The following CCDC88C variants were observed in gnomAD, a reference collection of about 807,000 sequenced individuals.
CCDC88C encodes protein Daple.
Under a neutral mutation model 198.8 loss-of-function variants are expected in CCDC88C, and 131 were observed. The observed-to-expected ratio is 0.66, with a 90% CI of 0.57 to 0.76. The LOEUF (loss-of-function observed/expected upper bound fraction) is 0.76, where lower values mean the gene tolerates loss of function less well. CCDC88C is among the 30% of genes least tolerant of loss of function. The pLI is 0.00. For synonymous variants in CCDC88C, 1,166 were observed against 1,114.7 expected, an observed-to-expected ratio of 1.05 and a Z score of -0.92; for missense variants, 2,553 against 2,631.6, an observed-to-expected ratio of 0.97 and a Z score of 0.65.
rs1243680510 is a variant in CCDC88C, at chr14:91,417,784, G to A, written c.-94C>T. 4 of 871,672 alleles carry A rather than the reference G, an allele frequency of 4.6e-6. No homozygotes were observed. Among genetic ancestry groups the A allele is most frequent in the Admixed American group, 4.8e-5 (1 of 20,772 alleles). The allele number at this position is 871,672 out of a possible 1,614,324, so 54.0% of individuals were successfully genotyped here. A position where few individuals can be genotyped will look rare whatever the true frequency, so the allele number is the denominator to read the frequency against. On this transcript the variant is annotated 5_prime_UTR_variant, in exon 1 of 30. Coordinates refer to ENST00000389857, the MANE Select transcript of CCDC88C (RefSeq NM_001080414.4). The stretch of plus-strand genomic sequence containing the variant: ...AACGGCTCCGCAGCGAGCAGCGGGC[G>A]CGGGGCTGCGGCGGCTCGCGCCCGG...
At chr14:91,310,434 A>G (rs1450636577) in intron 15 of CCDC88C, among the ~76,000 whole-genome samples, 1 of 152,102 alleles carries the variant, frequency 6.6e-6, no homozygotes, top group East Asian at 1.9e-4. Context: ...TTTTTTAGAG[A>G]CAGCGTCTTG....
chr14:91,398,210 A>C (rs1361096456), intron 3 of CCDC88C, among the ~76,000 whole-genome samples: 5 of 152,236 alleles, frequency 3.3e-5, no homozygotes, highest in Admixed American at 2.6e-4. Flanking sequence ...GACAACAAAA[A>C]GGAGAGAAAA....
In CCDC88C at chr14:91,315,821, A is replaced by G. The variant is rs78055736; in HGVS notation, c.1528-34T>C. ...CCAAAAGACCCAGCCCAGTGCAGAC[A>G]TCAGTCCTACGAAGTGAACCATGAT... On this transcript the variant is annotated intron_variant, in intron 13 of 29. Transcript: ENST00000389857. The G allele has an allele frequency of 1.9e-3, 3,005 of 1,602,058 alleles. 73 individuals carry two copies. The East Asian group carries it at 0.046, about 25-fold the overall frequency.
In CCDC88C at chr14:91,331,023, G is replaced by A. The variant is rs548404243; in HGVS notation, c.1051-4967C>T. On this transcript the variant is annotated intron_variant, in intron 10 of 29. Transcript: ENST00000389857. ...TGGAAGCTCAGGGAGGAAGTGGTAGGAGGGGCTGGGGCTGAGGAGTGCTTG... is the reference window on the plus strand; with the variant it reads ...TGGAAGCTCAGGGAGGAAGTGGTAGAAGGGGCTGGGGCTGAGGAGTGCTTG... 6.6e-5 allele frequency among the ~76,000 whole-genome samples: 10 copies of A among 151,838 alleles called. No individual in the cohort carries two copies. In the South Asian group the frequency reaches 2.1e-3, roughly 32 times the overall value.
At chr14:91,408,339 G>A (rs1886616873) in intron 3 of CCDC88C, 1 of 288,694 alleles carries the variant, frequency 3.5e-6, no homozygotes, top group Non-Finnish European at 6.7e-6. Flanking sequence ...TCACCTTCAG[G>A]AAGCCCATTC....
intron 3 of CCDC88C, among the ~76,000 whole-genome samples, chr14:91,403,308 A>G (rs555516799): frequency 2.0e-5 from 3 of 152,336 alleles, no homozygotes; most frequent in South Asian, 2.1e-4. Context: ...ATACGTCTCC[A>G]ACAACACACA....
intron 10 of CCDC88C, among the ~76,000 whole-genome samples, chr14:91,328,536 C>A (rs1334496618): frequency 1.3e-5 from 2 of 152,168 alleles, no homozygotes; most frequent in Non-Finnish European, 1.5e-5. Flanking sequence ...GCTGAGGGGA[C>A]CACACTCATG....
At chr14:91,282,004 T>A (rs568578585) in intron 26 of CCDC88C, among the ~76,000 whole-genome samples, 4 of 152,248 alleles carry the variant, frequency 2.6e-5, no homozygotes, top group African/African-American at 9.6e-5. Flanking sequence ...CACTAACAGC[T>A]CCTGACCAGA....
chr14:91,359,757 A>G, intron 3 of CCDC88C, 46 bp from the exon 4 acceptor site: 5 of 1,522,914 alleles, frequency 3.3e-6, no homozygotes, highest in Non-Finnish European at 4.5e-6. Flanking sequence ...ACCGGAAACA[A>G]AAATAAAGAG....
intron 3 of CCDC88C, among the ~76,000 whole-genome samples, chr14:91,387,345 T>C (rs1596144901): frequency 6.6e-6 from 1 of 152,298 alleles, no homozygotes. Context: ...GTCCGGGCCA[T>C]GGAGGTTTGG....
chr14:91,411,055 A>G (rs1418419553), intron 2 of CCDC88C, among the ~76,000 whole-genome samples: 1 of 152,074 alleles, frequency 6.6e-6, no homozygotes, highest in East Asian at 1.9e-4. Flanking sequence ...ACAACTCTAA[A>G]AGAACCCTGA....
chr14:91,315,568 A>G, intron 14 of CCDC88C, 82 bp downstream of exon 14: 1 of 1,481,046 alleles, frequency 6.8e-7, no homozygotes, highest in Non-Finnish European at 9.3e-7. Flanking sequence ...TCCACAATAC[A>G]GTACCAGGAA....
intron 3 of CCDC88C, among the ~76,000 whole-genome samples, chr14:91,376,509 T>C (rs1802738555): frequency 6.6e-6 from 1 of 152,164 alleles, no homozygotes; most frequent in African/African-American, 2.4e-5. Flanking sequence ...CACCGCCGTC[T>C]CTGGAGAGCC....
intron 3 of CCDC88C, among the ~76,000 whole-genome samples, chr14:91,383,500 G>A (rs958692659): frequency 1.3e-5 from 2 of 152,124 alleles, no homozygotes; most frequent in African/African-American, 4.8e-5. Flanking sequence ...GAAGGGGGTG[G>A]AGAAAGTGGG....
At chr14:91,319,357 T>G (rs1449098447) in intron 13 of CCDC88C, among the ~76,000 whole-genome samples, 5 of 152,232 alleles carry the variant, frequency 3.3e-5, no homozygotes, top group Admixed American at 6.5e-5. Context: ...GGTGTCTGGC[T>G]TCTACTCTGC....
intron 3 of CCDC88C, chr14:91,384,433 C>A: frequency 1.9e-6 from 1 of 522,028 alleles, no homozygotes; most frequent in Non-Finnish European, 3.9e-6. Context: ...CTGCTGCTTG[C>A]ACTCTGTTGG....
At chr14:91,318,513 C>T (rs1302115680) in intron 13 of CCDC88C, among the ~76,000 whole-genome samples, 1 of 152,192 alleles carries the variant, frequency 6.6e-6, no homozygotes, top group African/African-American at 2.4e-5. Context: ...GAAAAACCAC[C>T]TGGCAGCTCA....
rs747236360 is a variant in CCDC88C, at chr14:91,338,148, C to A, written c.907G>T (p.Ala303Ser). ...KVKQENIQLA[A>S]DARSARAYRD... Reference sequence around the variant, plus strand: ...TAGGCACGAGCAGACCGGGCGTCTGCCGCTAGCTGGATGTTCTGCAAGGTG... The same window carrying A: ...TAGGCACGAGCAGACCGGGCGTCTGACGCTAGCTGGATGTTCTGCAAGGTG... The change falls in exon 10 of 30, where the codon GCA (alanine) becomes TCA (serine). Residue 303 changes from alanine (A) to serine (S), a missense_variant. Transcript: ENST00000389857. The surrounding 1 kb of genome is among the most constrained non-coding windows in gnomAD (Gnocchi z 4.8). 5 of 1,613,718 alleles carry A rather than the reference C, an allele frequency of 3.1e-6. No individual in the cohort carries two copies.
chr14:91,274,060 C>T (rs1286879638), intron 29 of CCDC88C, among the ~76,000 whole-genome samples: 1 of 152,036 alleles, frequency 6.6e-6, no homozygotes, highest in Non-Finnish European at 1.5e-5. Flanking sequence ...CCTTCCTTCC[C>T]CGGTCACCCC....
Sources: allele counts gnomAD v4.1 joint callset (sites outside exome capture counted in the v4.1 genomes callset), GRCh38; gene constraint gnomAD v4.1.1; non-coding constraint Gnocchi (gnomAD v3.1); transcripts MANE v1.5; gene names NCBI Gene and HGNC (gene_info 2026-07-23, HGNC 2026-07-21).